Variants in TTN observed in about 807,000 individuals in gnomAD.
The protein encoded by TTN is titin, also known as connectin.
In TTN, 1,525 loss-of-function variants were observed where a neutral mutation model predicts 3,223.0. The observed-to-expected ratio is 0.47, with a 90% CI of 0.45 to 0.49. The LOEUF (loss-of-function observed/expected upper bound fraction) is 0.49, where lower values mean the gene tolerates loss of function less well. Ranked by LOEUF, TTN falls within the 20% of genes least tolerant of loss-of-function variation. TTN has a pLI of 0.00. For synonymous variants in TTN, 14,094 were observed against 15,161.0 expected (o/e 0.93, Z 5.17); for missense variants, 40,786 against 43,424.0 (o/e 0.94, Z 5.40).
Position 178,653,082 on chromosome 2 carries a change from G to T in TTN, c.38834C>A (p.Pro12945Gln). Residue 12945 changes from proline (P) to glutamine (Q), a missense_variant, in exon 199 of 363, where the codon CCA (proline) becomes CAA (glutamine). Physicochemically the swap from Pro to Gln is moderately conservative, Grantham distance 76 (BLOSUM62 -1). Coordinates refer to ENST00000589042, the MANE Select transcript of TTN (RefSeq NM_001267550.2). ...PKEVVPEKKVPVTPPKKPEVP... is the reference protein window; with the variant it reads ...PKEVVPEKKVQVTPPKKPEVP... ...TTCAGGTTTTTTAGGAGGAGTCACT[G>T]GCACTTTCTTTTCAGGAACAACTTC... is the stretch of plus-strand genomic sequence containing the variant. The T allele has an allele frequency of 6.2e-7, 1 of 1,613,254 alleles. No individual in the cohort carries two copies. Among genetic ancestry groups the T allele is most frequent in the Non-Finnish European group, 8.5e-7 (1 of 1,179,576 alleles).
intron 278 of TTN, among the ~76,000 whole-genome samples, chr2:178,606,373 A>AT (rs36000989): frequency 2.6e-4 from 39 of 147,666 alleles, no homozygotes; most frequent in East Asian, 1.6e-3. Context: ...TATAGGATGT[A>AT]TTTTTTTTTT....
chr2:178,595,806 A>G lies in TTN; in HGVS notation c.57548T>C (p.Val19183Ala). ...GAATGGTGTTCCAACGGGACCTGGAACATCTGGAAATAAGAAGAAAATAAT... is the reference window on the plus strand; with the variant it reads ...GAATGGTGTTCCAACGGGACCTGGAGCATCTGGAAATAAGAAGAAAATAAT... ...KKTIIVDVLD[V>A]PGPVGTPFLA... Residue 19183 changes from valine (V) to alanine (A), a missense_variant, in exon 295 of 363, where the codon GTT becomes GCT. Physicochemically the swap from Val to Ala is moderately conservative, Grantham distance 64 (BLOSUM62 0). Coordinates refer to ENST00000589042, the MANE Select transcript of TTN (RefSeq NM_001267550.2). 6.3e-7 allele frequency: 1 copy of G among 1,591,980 alleles called. No homozygotes were observed. Among genetic ancestry groups the G allele is most frequent in the Non-Finnish European group, 8.6e-7 (1 of 1,169,298 alleles).
chr2:178,619,329 T>C (rs2057907652), intron 250 of TTN: 2 of 470,690 alleles, frequency 4.2e-6, no homozygotes, highest in East Asian at 4.1e-5. Flanking sequence ...TATAAGACCG[T>C]CTTTAGATTT....
Position 178,757,522 on chromosome 2 carries a change from T to C in TTN, c.10678+20A>G, listed in dbSNP as rs1238742802. ...GAGGTATACAGCAAATCAAAGTCCT[T>C]GAAGCAAGATGGGCTTTACCTTTTG... On this transcript the variant is annotated intron_variant, in intron 45 of 362. Transcript: ENST00000589042. 2.6e-6 allele frequency: 4 copies of C among 1,525,838 alleles called. No individual in the cohort carries two copies. In the African/African-American group the frequency reaches 4.2e-5, roughly 16 times the overall value. 94.5% of individuals were successfully genotyped at this position (1,525,838 alleles called of 1,614,324 possible).
chr2:178,594,232 C>G lies in TTN; in HGVS notation c.58161G>C (p.Thr19387=). ...GCTTATCTCTGAAGTCGAGGTGAAG[C>G]GTTGGGGGTGCTAAAATTTGTAATT... ...ITCKDELAPP[T]LHLDFRDKLT... is the part of the protein sequence containing the mutation. Residue 19387 remains threonine, a synonymous_variant, in exon 297 of 363, where the codon ACG becomes ACC. Coordinates refer to ENST00000589042, the MANE Select transcript of TTN (RefSeq NM_001267550.2). The G allele has an allele frequency of 6.2e-7, 1 of 1,606,354 alleles. No individual in the cohort carries two copies. The highest frequency in any genetic ancestry group is 2.2e-5 in the East Asian group (1 of 44,636).
intron 361 of TTN, 132 bp from the exon 362 acceptor site, chr2:178,527,880 CATA>C: frequency 1.2e-6 from 1 of 819,784 alleles, no homozygotes; most frequent in Non-Finnish European, 1.8e-6. Flanking sequence ...GCTGTTGAAG[CATA>C]AGCAAATACA....
At position 178,637,146 on chromosome 2, in the gene TTN, GATATAT is replaced by G. The variant is rs61216469; in HGVS notation, c.40927+217_40927+222del. Among the ~76,000 whole-genome samples the G allele has an allele frequency of 0.13, 6,311 of 49,046 alleles. 362 individuals are homozygous for G. The highest frequency in any genetic ancestry group is 0.19 in the Non-Finnish European group (4,297 of 22,704). The allele number at this position is 49,046 out of a possible 152,430, so 32.2% of individuals were successfully genotyped here. On this transcript the variant is annotated intron_variant, in intron 224 of 362. Coordinates refer to ENST00000589042, the MANE Select transcript of TTN (RefSeq NM_001267550.2). ...GATTCACTATGCTAAAATATAGTTGGATATATATATATATATATATATATATATATA... is the reference window on the plus strand; with the variant it reads ...GATTCACTATGCTAAAATATAGTTGGATATATATATATATATATATATATA...
At position 178,547,686 on chromosome 2, in the gene TTN, C is replaced by T. The variant is rs368608059; in HGVS notation, c.93940G>A (p.Gly31314Ser). ...VVIGRPGPVT[G>S]PIEVSSVSAE... ...GAGACAGATGAGACCTCAATGGGGC[C>T]GGTTACTGGACCTGGCCTTCCAATG... The change falls in exon 339 of 363, where the codon GGC (glycine) becomes AGC (serine). Residue 31314 changes from glycine (G) to serine (S), a missense_variant. Coordinates refer to ENST00000589042, the MANE Select transcript of TTN (RefSeq NM_001267550.2). 9.3e-6 allele frequency: 15 copies of T among 1,613,882 alleles called. No homozygotes were observed. Among genetic ancestry groups the T allele is most frequent in the African/African-American group, 6.7e-5 (5 of 75,028 alleles).
intron 159 of TTN, 60 bp from the exon 160 acceptor site, chr2:178,667,781 T>TA: frequency 1.7e-6 from 2 of 1,210,648 alleles, no homozygotes; most frequent in Non-Finnish European, 2.3e-6. Context: ...AGAAGTGTAT[T>TA]AAGAAAAATA....
chr2:178,678,007 T>G, intron 145 of TTN, 90 bp from the exon 146 acceptor site: 2 of 1,558,600 alleles, frequency 1.3e-6, no homozygotes, highest in East Asian at 4.5e-5. Flanking sequence ...AAATATTCTG[T>G]GATCACAAAG....
Position 178,667,502 on chromosome 2 carries a change from C to A in TTN, c.35653G>T (p.Val11885Phe), listed in dbSNP as rs2066177036. The change falls in exon 161 of 363, where the codon GTT becomes TTT. Residue 11885 changes from valine (V) to phenylalanine (F), a missense_variant. By Grantham distance (50) the Val-to-Phe change is conservative. Coordinates refer to ENST00000589042, the MANE Select transcript of TTN (RefSeq NM_001267550.2). Reference protein sequence around the residue: ...AKVPEPPKKVVPEDKIYVTIP... With the variant: ...AKVPEPPKKVFPEDKIYVTIP... ...GTCACATATATTTTGTCTTCTGGAA[C>A]AACTTTCTTGGGTGGCTCAGGCACT... The A allele has an allele frequency of 1.9e-6, 3 of 1,597,978 alleles. No individual in the cohort carries two copies. Among genetic ancestry groups the A allele is most frequent in the South Asian group, 1.1e-5 (1 of 90,932 alleles).
intron 51 of TTN, 34 bp from the exon 52 acceptor site, chr2:178,734,640 G>C: frequency 6.4e-7 from 1 of 1,561,780 alleles, no homozygotes. Context: ...GTAAGTAATG[G>C]GTAATAAGTA....
rs777176324 is a variant in TTN at position 178,586,726 on chromosome 2, C to A, written c.64175G>T (p.Arg21392Leu). ...SATLAWLPPLRDGGAKIDGYI... is the reference protein window; with the variant it reads ...SATLAWLPPLLDGGAKIDGYI... ...GCCATCGATTTTAGCACCTCCATCA[C>A]GTAGGGGAGGTAACCAGGCTAAGGT... Residue 21392 changes from arginine to leucine, a missense_variant, in exon 308 of 363, where the codon CGT becomes CTT. Physicochemically the swap from Arg to Leu is moderately radical, Grantham distance 102 (BLOSUM62 -2). Transcript: ENST00000589042. 2 of 1,613,114 alleles carry A rather than the reference C, an allele frequency of 1.2e-6. No individual in the cohort carries two copies. Among genetic ancestry groups the A allele is most frequent in the Non-Finnish European group, 8.5e-7 (1 of 1,179,344 alleles).
chr2:178,651,832 C>A, intron 205 of TTN, 52 bp downstream of exon 205: 3 of 1,601,004 alleles, frequency 1.9e-6, no homozygotes, highest in South Asian at 1.1e-5. Flanking sequence ...ATTATCAGGG[C>A]AGGAAGGGGA....
rs556390708 is a variant in TTN at position 178,800,581 on chromosome 2, G to A, written c.397C>T (p.Pro133Ser). Residue 133 changes from proline (P) to serine (S), a missense_variant, in exon 4 of 363, where the codon CCT (proline) becomes TCT (serine). Transcript: ENST00000589042. ...LQVRVTGIPT[P>S]VVKFYRDGAE... is the part of the protein sequence containing the mutation. ...CCATCCCGGTAGAACTTCACCACAG[G>A]TGTAGGGATTCCAGTCACTCTCACT... 6.2e-7 allele frequency: 1 copy of A among 1,614,100 alleles called. No homozygotes were observed. Among genetic ancestry groups the A allele is most frequent in the South Asian group, 1.1e-5 (1 of 91,062 alleles).
At position 178,692,055 on chromosome 2, in the gene TTN, C is replaced by T. The variant is rs759148931; in HGVS notation, c.31723G>A (p.Val10575Ile). The T allele has an allele frequency of 9.9e-6, 16 of 1,613,136 alleles. No homozygotes were observed. In the East Asian group the frequency reaches 3.6e-4, roughly 36 times the overall value. ...KKPVPEEKKP[V>I]PVPKKEPAAP... is the part of the protein sequence containing the mutation. ...GCAGGTTCCTTCTTAGGCACAGGAA[C>T]TGGCTTTTTCTCCTCTGGCACGGGT... Residue 10575 changes from valine (V) to isoleucine (I), a missense_variant, in exon 121 of 363, where the codon GTT (valine) becomes ATT (isoleucine). By Grantham distance (29) the Val-to-Ile change is conservative. Coordinates refer to ENST00000589042, the MANE Select transcript of TTN (RefSeq NM_001267550.2).
In TTN at chr2:178,617,245, G is replaced by A; in HGVS notation, c.47761-11C>T. On this transcript the variant is annotated splice_polypyrimidine_tract_variant and intron_variant, in intron 254 of 362. Coordinates refer to ENST00000589042, the MANE Select transcript of TTN (RefSeq NM_001267550.2). ...TTCCAATCCGGTAACCTACGATTAT[G>A]AATTAATATTTGTAAAAAACACATA... 6.5e-7 allele frequency: 1 copy of A among 1,535,810 alleles called. No individual in the cohort carries two copies. The highest frequency in any genetic ancestry group is 1.3e-5 in the South Asian group (1 of 79,488).
chr2:178,743,124 T>G (rs142193226), intron 47 of TTN, among the ~76,000 whole-genome samples: 1 of 152,134 alleles, frequency 6.6e-6, no homozygotes, highest in African/African-American at 2.4e-5. Context: ...TGAATGTGAA[T>G]ACAGTTAAAA....
Position 178,576,390 on chromosome 2 carries a change from G to A in TTN, c.69742C>T (p.His23248Tyr), listed in dbSNP as rs1374089814. The change falls in exon 326 of 363, where the codon CAT (histidine) becomes TAT (tyrosine). Residue 23248 changes from histidine to tyrosine, a missense_variant. By Grantham distance (83) the His-to-Tyr change is moderately conservative. Coordinates refer to ENST00000589042, the MANE Select transcript of TTN (RefSeq NM_001267550.2). This position sits in a 1 kb window ranked among gnomAD's most constrained non-coding sequence, Gnocchi z 4.3. ...AYPPGPPSNP[H>Y]VTDTTKKSAS... ...GATTTCTTGGTAGTATCAGTGACATGCGGATTTGAAGGTGGTCCTGGAGGA... is the reference window on the plus strand; with the variant it reads ...GATTTCTTGGTAGTATCAGTGACATACGGATTTGAAGGTGGTCCTGGAGGA... 3.2e-6 allele frequency: 5 copies of A among 1,565,106 alleles called. No individual in the cohort carries two copies. In the African/African-American group the frequency reaches 6.9e-5, roughly 22 times the overall value.
Sources: allele counts gnomAD v4.1 joint callset (sites outside exome capture counted in the v4.1 genomes callset), GRCh38; gene constraint gnomAD v4.1.1; non-coding constraint Gnocchi (gnomAD v3.1); transcripts MANE v1.5; gene names NCBI Gene and HGNC (gene_info 2026-07-23, HGNC 2026-07-21).